GPC6: variants seen among roughly 807,000 people sequenced by gnomAD.
The protein encoded by GPC6 is glypican-6.
GPC6 carries 14 observed loss-of-function variants against 55.2 expected under a neutral mutation model. The observed-to-expected ratio is 0.25, with a 90% CI of 0.17 to 0.40. The LOEUF (loss-of-function observed/expected upper bound fraction) is 0.40. Among genes scored for constraint, GPC6 ranks in the 10% least tolerant of loss-of-function variants. GPC6 has a pLI of 1.00. For missense variants in GPC6, 641 were observed against 708.5 expected (o/e 0.90, Z 1.08); for synonymous variants, 278 against 259.6 (o/e 1.07, Z -0.68).
rs139424285 is a variant in GPC6 at position 94,131,029 on chromosome 13, A to G, written c.877+103135A>G. Among the ~76,000 whole-genome samples, 58 of 152,266 alleles carry G rather than the reference A, an allele frequency of 3.8e-4. No individual in the cohort carries two copies. The East Asian group carries it at 0.011, about 29-fold the overall frequency. On this transcript the variant is annotated intron_variant, in intron 4 of 8. Transcript: ENST00000377047. Reference sequence around the variant, plus strand: ...TTAATGAATTGCAAATTGTAAGCCAATCCAACTCCTATAAATATTATGAGG... The same window carrying G: ...TTAATGAATTGCAAATTGTAAGCCAGTCCAACTCCTATAAATATTATGAGG...
At chr13:94,098,159 C>T (rs1421188724) in intron 4 of GPC6, among the ~76,000 whole-genome samples, 2 of 152,254 alleles carry the variant, frequency 1.3e-5, no homozygotes, top group East Asian at 1.9e-4. Flanking sequence ...CTCTTCATTG[C>T]TATTTAATTC....
rs1026012985 is a variant in GPC6, at chr13:93,420,895, A to T, written c.161-124368A>T. 3.9e-5 allele frequency among the ~76,000 whole-genome samples: 6 copies of T among 152,088 alleles called. No individual in the cohort carries two copies. The East Asian group carries it at 1.2e-3, about 29-fold the overall frequency. On this transcript the variant is annotated intron_variant, in intron 1 of 8. Coordinates refer to ENST00000377047, the MANE Select transcript of GPC6 (RefSeq NM_005708.5). ...TAAGTCCCATGAAGACAATACAGGT[A>T]ATTCAATGGAATGGGAGTATCTAAT...
chr13:93,697,031 A>T (rs1040817783), intron 2 of GPC6, among the ~76,000 whole-genome samples: 1 of 152,072 alleles, frequency 6.6e-6, no homozygotes, highest in African/African-American at 2.4e-5. Context: ...CCCTTTCTCC[A>T]TACATCTTCT....
chr13:93,854,830 A>G (rs1888539118), intron 3 of GPC6, among the ~76,000 whole-genome samples: 1 of 151,674 alleles, frequency 6.6e-6, no homozygotes, highest in African/African-American at 2.4e-5. Context: ...TTTCCCACCT[A>G]AAAGAATCTA....
chr13:93,543,960 C>T (rs1882434880), intron 1 of GPC6, among the ~76,000 whole-genome samples: 1 of 152,026 alleles, frequency 6.6e-6, no homozygotes, highest in Non-Finnish European at 1.5e-5. Flanking sequence ...CTGAATCCTC[C>T]CCAGCATTTG....
chr13:94,075,853 T>C (rs1477546363), intron 4 of GPC6, among the ~76,000 whole-genome samples: 1 of 151,928 alleles, frequency 6.6e-6, no homozygotes, highest in Non-Finnish European at 1.5e-5. Context: ...CATCTCTTTA[T>C]CTATCCATCA....
intron 4 of GPC6, among the ~76,000 whole-genome samples, chr13:94,127,385 C>T (rs908711895): frequency 3.9e-5 from 6 of 151,966 alleles, no homozygotes; most frequent in Non-Finnish European, 2.9e-5. Context: ...AAGCACCTCC[C>T]CTCCCACTCT....
chr13:93,440,879 G>A (rs1490908497), intron 1 of GPC6, among the ~76,000 whole-genome samples: 2 of 137,434 alleles, frequency 1.5e-5, no homozygotes, highest in Non-Finnish European at 3.1e-5. Context: ...AGTGTGTGAT[G>A]TTCCCCACCC....
At chr13:93,980,253 G>A (rs754545379) in intron 3 of GPC6, among the ~76,000 whole-genome samples, 1 of 152,078 alleles carries the variant, frequency 6.6e-6, no homozygotes, top group Non-Finnish European at 1.5e-5. Flanking sequence ...ACATGGCTCA[G>A]TGCATATGGA....
intron 2 of GPC6, among the ~76,000 whole-genome samples, chr13:93,657,823 A>G (rs1208944188): frequency 6.6e-6 from 1 of 152,170 alleles, no homozygotes; most frequent in Admixed American, 6.5e-5. Context: ...AAAAGAAGAC[A>G]TACACACAAC....
At chr13:93,812,638 G>C (rs1426255385) in intron 2 of GPC6, among the ~76,000 whole-genome samples, 2 of 152,104 alleles carry the variant, frequency 1.3e-5, no homozygotes, top group Non-Finnish European at 2.9e-5. Flanking sequence ...GATATCCTGA[G>C]AAAAGTAGTG....
At chr13:94,031,873 C>T (rs555367078) in intron 4 of GPC6, among the ~76,000 whole-genome samples, 4 of 152,142 alleles carry the variant, frequency 2.6e-5, no homozygotes, top group Non-Finnish European at 5.9e-5. Context: ...AAAGTCAAGG[C>T]TGAATTACAT....
intron 1 of GPC6, among the ~76,000 whole-genome samples, chr13:93,452,814 A>ACAG (rs1379256589): frequency 6.6e-6 from 1 of 152,098 alleles, no homozygotes; most frequent in African/African-American, 2.4e-5. Context: ...CAAAACTCAA[A>ACAG]CAGAACATGG....
intron 1 of GPC6, among the ~76,000 whole-genome samples, chr13:93,425,478 A>C (rs1324077693): frequency 6.6e-6 from 1 of 152,220 alleles, no homozygotes; most frequent in Non-Finnish European, 1.5e-5. Flanking sequence ...AAGAAGATGG[A>C]AATGAGAAAA....
At chr13:93,869,323 G>T (rs1889058810) in intron 3 of GPC6, among the ~76,000 whole-genome samples, 1 of 151,808 alleles carries the variant, frequency 6.6e-6, no homozygotes, top group Non-Finnish European at 1.5e-5. Context: ...CAGAGATGTG[G>T]CATGTGTTTG....
At chr13:93,603,134 T>C (rs1304937165) in intron 2 of GPC6, among the ~76,000 whole-genome samples, 3 of 152,076 alleles carry the variant, frequency 2.0e-5, no homozygotes, top group Non-Finnish European at 4.4e-5. Flanking sequence ...ATTGGCATCC[T>C]GAGTAGCTGG....
chr13:94,318,596 A>C (rs916258858), intron 6 of GPC6, among the ~76,000 whole-genome samples: 2 of 152,216 alleles, frequency 1.3e-5, no homozygotes, highest in African/African-American at 4.8e-5. Flanking sequence ...CACACTACTC[A>C]GAATGGTGCA....
upstream of GPC6, chr13:93,226,712 C>A (rs949762292): frequency 5.3e-5 from 8 of 152,148 alleles, no homozygotes; most frequent in Admixed American, 2.0e-4. Flanking sequence ...TTTCCCCTTT[C>A]TACCGACTAG....
At chr13:93,267,813 T>C (rs1417466968) in intron 1 of GPC6, among the ~76,000 whole-genome samples, 1 of 152,146 alleles carries the variant, frequency 6.6e-6, no homozygotes, top group African/African-American at 2.4e-5. Flanking sequence ...CATCTTCTTG[T>C]AGAAACAAGA....
Sources: gnomAD v4.1 joint callset for allele counts (sites outside exome capture counted in the v4.1 genomes callset) on GRCh38, gnomAD v4.1.1 for gene constraint, MANE v1.5 for transcripts, NCBI Gene and HGNC (gene_info 2026-07-23, HGNC 2026-07-21) for gene names.